Variants in ZNF454 observed in about 807,000 individuals in gnomAD.
ZNF454 encodes zinc finger protein 454.
In ZNF454, 30 loss-of-function variants were observed where a neutral mutation model predicts 48.2. The ratio of observed to expected loss-of-function variants is 0.62; its 90% CI spans 0.47 to 0.84. ZNF454 has a LOEUF of 0.84. ZNF454 is among the 40% of genes least tolerant of loss of function. ZNF454 has a pLI of 0.00. For missense variants in ZNF454, 510 were observed against 623.1 expected (o/e 0.82, Z 1.93); for synonymous variants, 204 against 211.4 (o/e 0.97, Z 0.30).
In ZNF454 at chr5:178,965,991, T is replaced by TG. The variant is rs1194553781; in HGVS notation, c.*20dup. 6.6e-7 allele frequency: 1 copy of TG among 1,526,088 alleles called. No individual in the cohort carries two copies. The highest frequency in any genetic ancestry group is 2.1e-5 in the Admixed American group (1 of 47,074). 94.5% of individuals were successfully genotyped at this position (1,526,088 alleles called of 1,614,324 possible). A position where few individuals can be genotyped will look rare whatever the true frequency, so the allele number is the denominator to read the frequency against. ...AGAAGTGATATGAATGCAGTTTGTATGGAAGACCTTTGAGACTGAGTAGAT... is the reference window on the plus strand; with the variant it reads ...AGAAGTGATATGAATGCAGTTTGTATGGGAAGACCTTTGAGACTGAGTAGAT... On this transcript the variant is annotated 3_prime_UTR_variant, in exon 5 of 5. Coordinates refer to ENST00000519564, the MANE Select transcript of ZNF454 (RefSeq NM_001178089.3). This position sits in a 1 kb window ranked among gnomAD's most constrained non-coding sequence, Gnocchi z 5.2.
At position 178,965,153 on chromosome 5, in the gene ZNF454, G is replaced by C. The variant is rs1467706965; in HGVS notation, c.749G>C (p.Gly250Ala). The C allele has an allele frequency of 6.2e-7, 1 of 1,614,190 alleles. No homozygotes were observed. Residue 250 changes from glycine (G) to alanine (A), a missense_variant, in exon 5 of 5, where the codon GGC becomes GCC. Transcript: ENST00000519564. This position sits in a 1 kb window ranked among gnomAD's most constrained non-coding sequence, Gnocchi z 5.2. The part of the protein sequence containing the change: ...GEKPYECKEC[G>A]KAFSVSSSLT... ...AAACCCTATGAATGTAAGGAATGTG[G>C]CAAGGCCTTCTCAGTGAGCTCCTCA...
chr5:178,946,690 C>G lies in ZNF454; in HGVS notation c.160+205C>G, dbSNP rs1173905298. ...CCTCAAAAGTGACTAGGGTCAAATG[C>G]TTTCTTTCTGGCAAGGAGGGGAACA... On this transcript the variant is annotated intron_variant, in intron 3 of 4. Coordinates refer to ENST00000519564, the MANE Select transcript of ZNF454 (RefSeq NM_001178089.3). This position sits in a 1 kb window ranked among gnomAD's most constrained non-coding sequence, Gnocchi z 4.5. Among the ~76,000 whole-genome samples the G allele has an allele frequency of 5.9e-5, 9 of 152,186 alleles. No homozygotes were observed. Among genetic ancestry groups the G allele is most frequent in the Non-Finnish European group, 1.3e-4 (9 of 68,032 alleles).
Position 178,946,442 on chromosome 5 carries a change from C to T in ZNF454, c.117C>T (p.Tyr39=). 6.2e-7 allele frequency: 1 copy of T among 1,611,206 alleles called. No individual in the cohort carries two copies. The highest frequency in any genetic ancestry group is 1.1e-5 in the South Asian group (1 of 90,802). ...TGAGCCCCGCCCAGAGGGCCCTGTA[C>T]AGGGACGTGATGCTGGAGAACTACA... ...GQLSPAQRAL[Y]RDVMLENYSN... Residue 39 remains tyrosine, a synonymous_variant, in exon 3 of 5, where the codon TAC becomes TAT. Transcript: ENST00000519564. The surrounding 1 kb of genome is among the most constrained non-coding windows in gnomAD (Gnocchi z 4.5).
chr5:178,968,105 T>TCAAACACACA (rs1554112171), downstream of ZNF454, among the ~76,000 whole-genome samples: 1 of 145,000 alleles, frequency 6.9e-6, no homozygotes, highest in Non-Finnish European at 1.5e-5. Context: ...CATCTGTGCA[T>TCAAACACACA]CACACACACA....
At position 178,946,498 on chromosome 5, in the gene ZNF454, C is replaced by A; in HGVS notation, c.160+13C>A. 6.3e-7 allele frequency: 1 copy of A among 1,580,032 alleles called. No homozygotes were observed. Among genetic ancestry groups the A allele is most frequent in the Admixed American group, 2.0e-5 (1 of 49,046 alleles). On this transcript the variant is annotated intron_variant, in intron 3 of 4. Coordinates refer to ENST00000519564, the MANE Select transcript of ZNF454 (RefSeq NM_001178089.3). The surrounding 1 kb of genome is among the most constrained non-coding windows in gnomAD (Gnocchi z 4.5). ...CTGGTCTCACTGGGTAAGTGGGACC[C>A]CTGCAAGGTTTCTCTTCACTTTTGG...
chr5:178,989,079 C>T, the ZNF454 span: 3 of 1,614,102 alleles, frequency 1.9e-6, no homozygotes, highest in South Asian at 1.1e-5. Context: ...GCATCAATCA[C>T]AAACTGCACC....
chr5:178,971,742 G>A, the ZNF454 span, among the ~76,000 whole-genome samples: 2 of 151,354 alleles, frequency 1.3e-5, no homozygotes, highest in African/African-American at 4.9e-5. Flanking sequence ...TGTAGTCCCA[G>A]CTACTTGGGA....
Position 178,946,922 on chromosome 5 carries a change from G to T in ZNF454, c.186G>T (p.Thr62=). 2 of 1,614,024 alleles carry T rather than the reference G, an allele frequency of 1.2e-6. No homozygotes were observed. The highest frequency in any genetic ancestry group is 1.7e-4 in the Middle Eastern group (1 of 6,060). The change falls in exon 4 of 5, where the codon ACG becomes ACT. Residue 62 remains threonine, a synonymous_variant. Transcript: ENST00000519564. This position sits in a 1 kb window ranked among gnomAD's most constrained non-coding sequence, Gnocchi z 4.5. ...GACTCTTAGGACCCAAACCAGATAC[G>T]TTTTCCCAGCTAGAAAAAAGGGAAG... ...SLGLLGPKPD[T]FSQLEKREVW... is the part of the protein sequence containing the mutation.
At chr5:178,986,301 G>A in the ZNF454 span, 11,709 of 1,613,956 alleles carry the variant, frequency 7.3e-3, 46 homozygotes, top group Non-Finnish European at 8.7e-3. Flanking sequence ...GCCTGCGGGC[G>A]GCACAGACCG....
the ZNF454 span, chr5:178,985,216 A>C: frequency 2.2e-6 from 1 of 454,470 alleles, no homozygotes; most frequent in Non-Finnish European, 4.4e-6. Flanking sequence ...ACCTGTTTCC[A>C]TATGTGAGCC....
chr5:178,968,144 C>A (rs1760194801), downstream of ZNF454, among the ~76,000 whole-genome samples: 1 of 151,432 alleles, frequency 6.6e-6, no homozygotes, highest in Non-Finnish European at 1.5e-5. Flanking sequence ...CACACACAGC[C>A]TCTGAGGGCC....
the ZNF454 span, among the ~76,000 whole-genome samples, chr5:178,973,076 C>CT: frequency 1.3e-5 from 2 of 151,152 alleles, no homozygotes; most frequent in African/African-American, 4.9e-5. Context: ...CTTTCCCTCC[C>CT]TACCTCCCTC....
intron 4 of ZNF454, among the ~76,000 whole-genome samples, chr5:178,956,435 T>TCAACACAGTTCTCCGGCCC (rs1475661093): frequency 6.7e-6 from 1 of 148,286 alleles, no homozygotes; most frequent in Admixed American, 6.8e-5. Flanking sequence ...GCTTCAGTCT[T>TCAACACAGTTCTCCGGCCC]CAACACAGTT....
chr5:178,976,205 C>T, the ZNF454 span: 1 of 400,640 alleles, frequency 2.5e-6, no homozygotes, highest in South Asian at 1.8e-5. Flanking sequence ...AAATTGCAGC[C>T]ATCCCCCGCC....
the ZNF454 span, chr5:178,989,536 C>T: frequency 1.7e-6 from 2 of 1,147,324 alleles, no homozygotes; most frequent in Middle Eastern, 2.8e-4. Context: ...GTGAACTAGG[C>T]ATGGCCAGGT....
chr5:178,945,426 G>A (rs1759287474), intron 2 of ZNF454, among the ~76,000 whole-genome samples: 1 of 149,528 alleles, frequency 6.7e-6, no homozygotes, highest in Non-Finnish European at 1.5e-5. Flanking sequence ...ATATGGGTGT[G>A]TGTATGCTTG....
downstream of ZNF454, among the ~76,000 whole-genome samples, chr5:178,970,974 A>G (rs1760225847): frequency 6.6e-6 from 1 of 152,204 alleles, no homozygotes; most frequent in South Asian, 2.1e-4. Context: ...GAATGTAAAG[A>G]GCTGTTTCCC....
chr5:178,974,154 C>A, the ZNF454 span, among the ~76,000 whole-genome samples: 2 of 152,132 alleles, frequency 1.3e-5, no homozygotes, highest in Non-Finnish European at 2.9e-5. Flanking sequence ...GCAGCTGGTA[C>A]AAGAATTCAT....
chr5:178,966,043 T>C lies in ZNF454; in HGVS notation c.*70T>C. The C allele has an allele frequency of 8.0e-7, 1 of 1,250,290 alleles. No homozygotes were observed. The allele number at this position is 1,250,290 out of a possible 1,614,324, so 77.4% of individuals were successfully genotyped here. ...AATTATTGAATGTGAGATAATCCGT[T>C]CTAGAGAATAACTATGAAAGCTTGC... On this transcript the variant is annotated 3_prime_UTR_variant, in exon 5 of 5. Coordinates refer to ENST00000519564, the MANE Select transcript of ZNF454 (RefSeq NM_001178089.3).
Sources: allele counts gnomAD v4.1 joint callset (sites outside exome capture counted in the v4.1 genomes callset), GRCh38; gene constraint gnomAD v4.1.1; non-coding constraint Gnocchi (gnomAD v3.1); transcripts MANE v1.5; gene names NCBI Gene and HGNC (gene_info 2026-07-23, HGNC 2026-07-21).